The following KRT31 variants were observed in gnomAD, a reference collection of about 807,000 sequenced individuals.
The protein encoded by KRT31 is keratin, type I cuticular Ha1.
A neutral mutation model predicts 40.8 loss-of-function variants in KRT31; 27 were observed. That is an observed-to-expected ratio of 0.66 (90% CI 0.49 to 0.91). KRT31 has a LOEUF of 0.91. KRT31 is among the 40% of genes least tolerant of loss of function. The probability of loss-of-function intolerance (pLI) is 0.00; values close to 1 mark genes in which losing one functional copy is unlikely to be tolerated. For missense variants in KRT31, 510 were observed against 544.1 expected, an observed-to-expected ratio of 0.94 and a Z score of 0.62; for synonymous variants, 231 against 231.9, an observed-to-expected ratio of 1.00 and a Z score of 0.03.
rs181766476 is a variant in KRT31 at position 41,394,944 on chromosome 17, C to A, written c.1001G>T (p.Arg334Leu). The A allele has an allele frequency of 1.2e-6, 2 of 1,614,134 alleles. No homozygotes were observed. The highest frequency in any genetic ancestry group is 1.7e-6 in the Non-Finnish European group (2 of 1,180,044). The change falls in exon 6 of 7, where the codon CGG becomes CTG. Residue 334 changes from arginine to leucine, a missense_variant. Physicochemically the swap from Arg to Leu is moderately radical, Grantham distance 102. Coordinates refer to ENST00000251645, the MANE Select transcript of KRT31 (RefSeq NM_002277.3). ...CAGCACCTGGTACTCCTGGTTCTGC[C>A]GCTCCAGGTCACTGCGGATCTCCGC... ...QLAEIRSDLE[R>L]QNQEYQVLLD...
chr17:41,393,825 G>C lies in KRT31; in HGVS notation c.*191C>G, dbSNP rs2018172646. 4 of 577,442 alleles carry C rather than the reference G, an allele frequency of 6.9e-6. No homozygotes were observed. The East Asian group carries it at 1.3e-4, about 19-fold the overall frequency. The allele number at this position is 577,442 out of a possible 1,614,324, so 35.8% of individuals were successfully genotyped here. A position where few individuals can be genotyped will look rare whatever the true frequency, so the allele number is the denominator to read the frequency against. ...ATAGGAAGGAACAGACCCCCAGGAA[G>C]GAAAGGGTGAGCAGGACAGTCTGGA... On this transcript the variant is annotated 3_prime_UTR_variant, in exon 7 of 7. Transcript: ENST00000251645.
chr17:41,397,494 A>G lies in KRT31; in HGVS notation c.46T>C (p.Cys16Arg). 1.3e-6 allele frequency: 2 copies of G among 1,558,228 alleles called. No individual in the cohort carries two copies. Among genetic ancestry groups the G allele is most frequent in the South Asian group, 1.1e-5 (1 of 90,152 alleles). ...CLPSLSCRTS[C>R]SSRPCVPPSC... ...GGGGGCACGCAGGGCCGGGAGGAGC[A>G]GCTGGTGCGGCAGCTCAGGCTGGGC... Residue 16 changes from cysteine (C) to arginine (R), a missense_variant, in exon 1 of 7, where the codon TGC becomes CGC. Physicochemically the swap from Cys to Arg is radical, Grantham distance 180. Coordinates refer to ENST00000251645, the MANE Select transcript of KRT31 (RefSeq NM_002277.3).
intron 6 of KRT31, among the ~76,000 whole-genome samples, chr17:41,394,611 T>G (rs562615991): frequency 2.0e-4 from 31 of 152,248 alleles, no homozygotes; most frequent in Non-Finnish European, 3.8e-4. Flanking sequence ...TCATGCATAT[T>G]ATCATACTAG....
rs1425946910 is a variant in KRT31, at chr17:41,397,519, C to T, written c.21G>A (p.Leu7=). The T allele has an allele frequency of 6.2e-7, 1 of 1,612,174 alleles. No homozygotes were observed. The highest frequency in any genetic ancestry group is 1.7e-5 in the Admixed American group (1 of 59,892). Residue 7 remains leucine, a synonymous_variant, in exon 1 of 7, where the codon CTG becomes CTA. Coordinates refer to ENST00000251645, the MANE Select transcript of KRT31 (RefSeq NM_002277.3). MPYNFC[L]PSLSCRTSCS... is the part of the protein sequence containing the mutation. ...AGCTGGTGCGGCAGCTCAGGCTGGG[C>T]AGGCAGAAGTTGTAGGGCATAGTGC... is the stretch of plus-strand genomic sequence containing the variant.
Position 41,396,524 on chromosome 17 carries a change from G to A in KRT31, c.484C>T (p.Leu162=). 6 of 1,614,142 alleles carry A rather than the reference G, an allele frequency of 3.7e-6. No individual in the cohort carries two copies. The highest frequency in any genetic ancestry group is 5.1e-6 in the Non-Finnish European group (6 of 1,180,018). The part of the protein sequence containing the change: ...RQLVESDING[L]RRILDELTLC... Reference sequence around the variant, plus strand: ...GTCAGCTCATCCAGGATCCTGCGCAGACCGTTGATGTCCGACTCCACCAGC... The same window carrying A: ...GTCAGCTCATCCAGGATCCTGCGCAAACCGTTGATGTCCGACTCCACCAGC... The change falls in exon 3 of 7, where the codon CTG becomes TTG. Residue 162 remains leucine, a synonymous_variant. Transcript: ENST00000251645.
At chr17:41,395,219 C>T in intron 5 of KRT31, 26 bp downstream of exon 5, 1 of 1,612,518 alleles carries the variant, frequency 6.2e-7, no homozygotes, top group South Asian at 1.1e-5. Flanking sequence ...TCCCGTCGCT[C>T]ACCAGCAGGT....
At position 41,396,894 on chromosome 17, in the gene KRT31, C is replaced by A. The variant is rs752581165; in HGVS notation, c.431+19G>T. On this transcript the variant is annotated intron_variant, in intron 2 of 6. Transcript: ENST00000251645. ...TAAACAGAAGCAATTGACACTAGTG[C>A]AAATTCCGAACAACTCACTTGGTTC... 3 of 1,591,702 alleles carry A rather than the reference C, an allele frequency of 1.9e-6. No homozygotes were observed.
At position 41,395,046 on chromosome 17, in the gene KRT31, A is replaced by G; in HGVS notation, c.899T>C (p.Leu300Pro). ...HNLRDSLENT[L>P]TESEARYSSQ... Reference sequence around the variant, plus strand: ...GCTGTAGCGGGCCTCACTCTCTGTCAGCGTGTTTTCCAGAGAGTCTCGCTG... The same window carrying G: ...GCTGTAGCGGGCCTCACTCTCTGTCGGCGTGTTTTCCAGAGAGTCTCGCTG... Residue 300 changes from leucine to proline, a missense_variant, in exon 6 of 7, where the codon CTG becomes CCG. Transcript: ENST00000251645. The G allele has an allele frequency of 6.2e-7, 1 of 1,614,226 alleles. No homozygotes were observed. Among genetic ancestry groups the G allele is most frequent in the African/African-American group, 1.3e-5 (1 of 75,058 alleles).
chr17:41,395,170 G>T, intron 5 of KRT31, 75 bp downstream of exon 5: 1 of 1,610,460 alleles, frequency 6.2e-7, no homozygotes, highest in Non-Finnish European at 8.5e-7. Flanking sequence ...AGGAGAGTGT[G>T]TGGCCCCAAG....
At chr17:41,396,136 A>G (rs902029518) in intron 3 of KRT31, among the ~76,000 whole-genome samples, 1 of 152,174 alleles carries the variant, frequency 6.6e-6, no homozygotes, top group Non-Finnish European at 1.5e-5. Flanking sequence ...TTACAAAGCA[A>G]TAACACTGCA....
At position 41,393,906 on chromosome 17, in the gene KRT31, A is replaced by G. The variant is rs2018174175; in HGVS notation, c.*110T>C. ...GTTTCTTGGCTGCCTTACGCGGGCA[A>G]CTCCAGCCATGCAAATGATGTTTTC... is the stretch of plus-strand genomic sequence containing the variant. On this transcript the variant is annotated 3_prime_UTR_variant, in exon 7 of 7. Coordinates refer to ENST00000251645, the MANE Select transcript of KRT31 (RefSeq NM_002277.3). 2.3e-6 allele frequency: 3 copies of G among 1,279,984 alleles called. No homozygotes were observed. The highest frequency in any genetic ancestry group is 1.5e-5 in the African/African-American group (1 of 66,112). 79.3% of individuals were successfully genotyped at this position (1,279,984 alleles called of 1,614,324 possible). A position where few individuals can be genotyped will look rare whatever the true frequency, so the allele number is the denominator to read the frequency against.
In KRT31 at chr17:41,394,087, C is replaced by A. The variant is rs1231019519; in HGVS notation, c.1180G>T (p.Val394Phe). ...CAGGGTGTGCAGGGGGCAGGAGGGA[C>A]ACAAGAGGTACAGGGATTGGAGAGA... ...PCLSNPCTSC[V>F]PPAPCTPCAP... Residue 394 changes from valine (V) to phenylalanine (F), a missense_variant, in exon 7 of 7, where the codon GTC becomes TTC. Val to Phe is a conservative substitution (Grantham distance 50). Transcript: ENST00000251645. 3 of 1,613,016 alleles carry A rather than the reference C, an allele frequency of 1.9e-6. No individual in the cohort carries two copies. The highest frequency in any genetic ancestry group is 4.5e-5 in the East Asian group (2 of 44,822).
chr17:41,395,165 A>G, intron 5 of KRT31, 80 bp downstream of exon 5: 1 of 1,609,648 alleles, frequency 6.2e-7, no homozygotes, highest in Non-Finnish European at 8.5e-7. Flanking sequence ...AGCTAAGGAG[A>G]GTGTGTGGCC....
intron 5 of KRT31, 78 bp downstream of exon 5, chr17:41,395,167 T>A (rs991417002): frequency 6.2e-7 from 1 of 1,609,616 alleles, no homozygotes; most frequent in Admixed American, 1.7e-5. Context: ...CTAAGGAGAG[T>A]GTGTGGCCCC....
At chr17:41,395,778 G>A (rs1203314505) in intron 3 of KRT31, among the ~76,000 whole-genome samples, 155 bp from the exon 4 acceptor site, 2 of 152,162 alleles carry the variant, frequency 1.3e-5, no homozygotes, top group Admixed American at 1.3e-4. Context: ...ATGTGGCATA[G>A]CCCCCTCCCC....
chr17:41,395,645 G>C, intron 3 of KRT31, 22 bp from the exon 4 acceptor site: 1 of 1,610,000 alleles, frequency 6.2e-7, no homozygotes, highest in Non-Finnish European at 8.5e-7. Flanking sequence ...GAAAATACAA[G>C]AGTTACTATG....
At position 41,395,560 on chromosome 17, in the gene KRT31, T is replaced by A. The variant is rs780791527; in HGVS notation, c.652A>T (p.Thr218Ser). The change falls in exon 4 of 7, where the codon ACT (threonine) becomes TCT (serine). Residue 218 changes from threonine (T) to serine (S), a missense_variant. By Grantham distance (58) the Thr-to-Ser change is moderately conservative (BLOSUM62 1). Transcript: ENST00000251645. Reference protein sequence around the residue: ...RLNVEVDAAPTVDLNRVLNET... With the variant: ...RLNVEVDAAPSVDLNRVLNET... ...TTCAGCACCCGATTCAGGTCCACAGTGGGAGCAGCATCCACCTCCACATTG... is the reference window on the plus strand; with the variant it reads ...TTCAGCACCCGATTCAGGTCCACAGAGGGAGCAGCATCCACCTCCACATTG... The A allele has an allele frequency of 1.2e-6, 2 of 1,614,030 alleles. No homozygotes were observed. Among genetic ancestry groups the A allele is most frequent in the Admixed American group, 1.7e-5 (1 of 60,002 alleles).
chr17:41,397,330 G>A lies in KRT31; in HGVS notation c.210C>T (p.Tyr70=). 1 of 1,614,070 alleles carries A rather than the reference G, an allele frequency of 6.2e-7. No homozygotes were observed. Among genetic ancestry groups the A allele is most frequent in the African/African-American group, 1.3e-5 (1 of 75,058 alleles). The change falls in exon 1 of 7, where the codon TAC becomes TAT. Residue 70 remains tyrosine, a synonymous_variant. Transcript: ENST00000251645. ...MQFLNDRLAS[Y]LEKVRQLERD... ...GCTCCAGCTGACGCACTTTCTCCAGGTAGCTGGCCAGGCGGTCGTTCAGGA... is the reference window on the plus strand; with the variant it reads ...GCTCCAGCTGACGCACTTTCTCCAGATAGCTGGCCAGGCGGTCGTTCAGGA...
chr17:41,396,476 C>T lies in KRT31; in HGVS notation c.532G>A (p.Ala178Thr). 3 of 1,614,176 alleles carry T rather than the reference C, an allele frequency of 1.9e-6. No homozygotes were observed. Among genetic ancestry groups the T allele is most frequent in the Non-Finnish European group, 2.5e-6 (3 of 1,180,000 alleles). The change falls in exon 3 of 7, where the codon GCC becomes ACC. Residue 178 changes from alanine to threonine, a missense_variant. By Grantham distance (58) the Ala-to-Thr change is moderately conservative. Transcript: ENST00000251645. ...TCCTCCTTCAGGGACTCCACCTGGG[C>T]CTCCAGGTCGGACTTGCACAGGGTC... ...ELTLCKSDLE[A>T]QVESLKEELL...
Sources: gnomAD v4.1 joint callset for allele counts (sites outside exome capture counted in the v4.1 genomes callset) on GRCh38, gnomAD v4.1.1 for gene constraint, MANE v1.5 for transcripts, NCBI Gene and HGNC (gene_info 2026-07-23, HGNC 2026-07-21) for gene names.